AKAP13: variants seen among roughly 807,000 people sequenced by gnomAD.
The protein encoded by AKAP13 is A-kinase anchoring protein 13.
AKAP13 carries 80 observed loss-of-function variants against 264.5 expected under a neutral mutation model. The ratio of observed to expected loss-of-function variants is 0.30; its 90% CI spans 0.25 to 0.36. AKAP13 has a LOEUF of 0.36. AKAP13 is among the 10% of genes least tolerant of loss of function. AKAP13 has a pLI of 1.00. For synonymous variants in AKAP13, 1,380 were observed against 1,250.2 expected (o/e 1.10, Z -2.19); for missense variants, 3,712 against 3,435.2 (o/e 1.08, Z -2.01).
chr15:85,520,624 G>A (rs756895252), intron 2 of AKAP13: 1 of 518,636 alleles, frequency 1.9e-6, no homozygotes, highest in African/African-American at 1.9e-5. Context: ...TTAATGTAGG[G>A]GTGGATAAAG....
intron 1 of AKAP13, among the ~76,000 whole-genome samples, chr15:85,456,415 G>C (rs1242906560): frequency 6.6e-6 from 1 of 151,854 alleles, no homozygotes; most frequent in Non-Finnish European, 1.5e-5. Flanking sequence ...GTCTCTATGG[G>C]GACACCCACT....
At chr15:85,493,905 A>G (rs1357825537) in intron 2 of AKAP13, among the ~76,000 whole-genome samples, 1 of 152,220 alleles carries the variant, frequency 6.6e-6, no homozygotes, top group East Asian at 1.9e-4. Flanking sequence ...TGTATCCACA[A>G]AGGCAGAGAC....
rs138560577 is a variant in AKAP13, at chr15:85,648,025, AT to A, written c.4374+2081del. Among the ~76,000 whole-genome samples, 537 of 148,364 alleles carry A rather than the reference AT, an allele frequency of 3.6e-3. 11 individuals carry two copies. The highest frequency in any genetic ancestry group is 7.7e-4 in the Non-Finnish European group (52 of 67,150). On this transcript the variant is annotated intron_variant, in intron 10 of 36. Transcript: ENST00000394518. ...GAAATCAATAGTTTTATGTTATTTT[AT>A]TTTTTTTTTAATAATATCAGAATTT...
chr15:85,469,474 G>A (rs1361508506), intron 1 of AKAP13, among the ~76,000 whole-genome samples: 1 of 152,100 alleles, frequency 6.6e-6, no homozygotes, highest in East Asian at 1.9e-4. Flanking sequence ...GCTGTTTTAG[G>A]TATAAAGTTT....
At chr15:85,533,120 G>A (rs923406985) in intron 3 of AKAP13, among the ~76,000 whole-genome samples, 4 of 152,194 alleles carry the variant, frequency 2.6e-5, no homozygotes, top group Non-Finnish European at 5.9e-5. Context: ...TAAAGCAAGT[G>A]CTAGTGAATC....
At chr15:85,555,082 A>G (rs2078095039) in intron 5 of AKAP13, among the ~76,000 whole-genome samples, 1 of 151,762 alleles carries the variant, frequency 6.6e-6, no homozygotes, top group Admixed American at 6.6e-5. Context: ...GTGCTAAAAT[A>G]TCTTGTGGCC....
At chr15:85,543,061 C>T (rs1204982970) in intron 4 of AKAP13, among the ~76,000 whole-genome samples, 2 of 152,200 alleles carry the variant, frequency 1.3e-5, no homozygotes, top group Non-Finnish European at 2.9e-5. Context: ...ACTCACTTTA[C>T]TAAGAGGGAG....
intron 1 of AKAP13, among the ~76,000 whole-genome samples, chr15:85,453,376 A>G (rs1156780679): frequency 6.6e-6 from 1 of 152,060 alleles, no homozygotes; most frequent in African/African-American, 2.4e-5. Context: ...ACTTTTCCCT[A>G]GGGCTGCTGT....
chr15:85,735,019 G>T lies in AKAP13; in HGVS notation c.7310G>T (p.Gly2437Val). Residue 2437 changes from glycine to valine, a missense_variant, in exon 31 of 37, where the codon GGA becomes GTA. Gly to Val is a moderately radical substitution (Grantham distance 109). Around this residue, in one of 3 missense-constraint regions of AKAP13, gnomAD observed 611 missense variants for 539.3 expected, o/e 1.13. Transcript: ENST00000394518. ...GAGATCCTTCAGGGTTTGGTGAGTG[G>T]AAATCTGGGAGGCACACTTGGGCCG... Reference protein sequence around the residue: ...EVEILQGLVSGNLGGTLGPTV... With the variant: ...EVEILQGLVSVNLGGTLGPTV... The T allele has an allele frequency of 6.2e-7, 1 of 1,614,090 alleles. No homozygotes were observed. Among genetic ancestry groups the T allele is most frequent in the Non-Finnish European group, 8.5e-7 (1 of 1,180,002 alleles).
At chr15:85,452,007 A>G (rs951126777) in intron 1 of AKAP13, among the ~76,000 whole-genome samples, 2 of 151,208 alleles carry the variant, frequency 1.3e-5, no homozygotes, top group African/African-American at 4.9e-5. Flanking sequence ...GATGCCAGTG[A>G]TTTGTAGTTT....
At chr15:85,406,714 T>C (rs1188023766) in intron 1 of AKAP13, among the ~76,000 whole-genome samples, 1 of 151,766 alleles carries the variant, frequency 6.6e-6, no homozygotes, top group African/African-American at 2.4e-5. Context: ...ATGAATTGGC[T>C]AATAAGTTGT....
chr15:85,676,660 T>G (rs1045068238), intron 14 of AKAP13, among the ~76,000 whole-genome samples: 1 of 152,152 alleles, frequency 6.6e-6, no homozygotes, highest in Admixed American at 6.5e-5. Flanking sequence ...GAGCCAGATA[T>G]AAAATCCTGA....
At chr15:85,383,309 A>G (rs2070387368) in intron 1 of AKAP13, among the ~76,000 whole-genome samples, 1 of 152,238 alleles carries the variant, frequency 6.6e-6, no homozygotes, top group South Asian at 2.1e-4. Flanking sequence ...GGTAGCGTTC[A>G]GATCTCCACA....
chr15:85,643,031 AAC>A (rs201064596), intron 9 of AKAP13, among the ~76,000 whole-genome samples: 7 of 128,238 alleles, frequency 5.5e-5, no homozygotes, highest in Admixed American at 7.6e-5. Context: ...AAAAAAAAAA[AAC>A]CTCCAGAATA....
At chr15:85,607,820 A>G (rs2080422655) in intron 8 of AKAP13, among the ~76,000 whole-genome samples, 1 of 152,234 alleles carries the variant, frequency 6.6e-6, no homozygotes. Context: ...CTAGTTAAGT[A>G]AAATTCTCAA....
chr15:85,536,757 T>G (rs2077414167), intron 4 of AKAP13: 1 of 152,224 alleles, frequency 6.6e-6, no homozygotes, highest in South Asian at 2.1e-4. Context: ...ATTTATATGA[T>G]ATTCTGGAAG....
intron 17 of AKAP13, among the ~76,000 whole-genome samples, chr15:85,696,440 T>C (rs1235729136): frequency 1.3e-5 from 2 of 152,226 alleles, no homozygotes; most frequent in African/African-American, 4.8e-5. Context: ...CACCCACTTA[T>C]CAATTAGACA....
chr15:85,524,697 A>G (rs1490195024), intron 3 of AKAP13, among the ~76,000 whole-genome samples: 1 of 152,194 alleles, frequency 6.6e-6, no homozygotes, highest in Non-Finnish European at 1.5e-5. Flanking sequence ...ACACACAGAC[A>G]TTCTAAATTA....
chr15:85,593,760 T>TA (rs2079684982), intron 8 of AKAP13, among the ~76,000 whole-genome samples: 1 of 151,132 alleles, frequency 6.6e-6, no homozygotes, highest in South Asian at 2.1e-4. Context: ...ATCTGAGTCT[T>TA]ACCACTCTTT....
Sources: gnomAD v4.1 joint callset for allele counts (sites outside exome capture counted in the v4.1 genomes callset) on GRCh38, gnomAD v4.1.1 for gene constraint, gnomAD v4.1.1 regional missense constraint, MANE v1.5 for transcripts, NCBI Gene and HGNC (gene_info 2026-07-23, HGNC 2026-07-21) for gene names.